The following SLC5A7 variants were observed in gnomAD, a reference collection of about 807,000 sequenced individuals.
The protein encoded by SLC5A7 is high affinity choline transporter 1.
A neutral mutation model predicts 55.4 loss-of-function variants in SLC5A7; 19 were observed. The ratio of observed to expected loss-of-function variants is 0.34; its 90% CI spans 0.24 to 0.50. The LOEUF (loss-of-function observed/expected upper bound fraction) is 0.50. SLC5A7 is among the 20% of genes least tolerant of loss of function. The pLI is 0.98. For synonymous variants in SLC5A7, 265 were observed against 263.7 expected (o/e 1.00, Z -0.05); for missense variants, 506 against 705.3 (o/e 0.72, Z 3.20).
intron 2 of SLC5A7, among the ~76,000 whole-genome samples, chr2:107,989,108 T>G (rs554272843): frequency 9.8e-5 from 15 of 152,364 alleles, no homozygotes; most frequent in African/African-American, 3.6e-4. Flanking sequence ...CTTTTTTATA[T>G]TCTTCTTGGT....
intron 4 of SLC5A7, among the ~76,000 whole-genome samples, chr2:107,995,462 A>T (rs1314684339): frequency 3.1e-4 from 39 of 127,790 alleles, no homozygotes; most frequent in African/African-American, 1.0e-3. Flanking sequence ...AGAGAGAGAG[A>T]GAGAGAGAGT....
At chr2:108,004,490 C>G (rs1212262702) in intron 6 of SLC5A7, among the ~76,000 whole-genome samples, 1 of 152,130 alleles carries the variant, frequency 6.6e-6, no homozygotes, top group Non-Finnish European at 1.5e-5. Context: ...GTCCCCAGAA[C>G]CCAGAGCCCA....
chr2:108,001,845 T>C, intron 5 of SLC5A7, 52 bp from the exon 6 acceptor site: 1 of 1,600,968 alleles, frequency 6.2e-7, no homozygotes, highest in Non-Finnish European at 8.5e-7. Context: ...CTTGCATATA[T>C]CAGACAGTTG....
At position 108,008,693 on chromosome 2, in the gene SLC5A7, T is replaced by A; in HGVS notation, c.1113+11T>A. 6.2e-7 allele frequency: 1 copy of A among 1,608,944 alleles called. No individual in the cohort carries two copies. Among genetic ancestry groups the A allele is most frequent in the Non-Finnish European group, 8.5e-7 (1 of 1,177,070 alleles). The stretch of plus-strand genomic sequence containing the variant: ...TCCTTCAGACAAAATGTAAGAACAG[T>A]TTCTTTCAACCTGACATTTACTAGC... On this transcript the variant is annotated intron_variant, in intron 8 of 8. Coordinates refer to ENST00000264047, the MANE Select transcript of SLC5A7 (RefSeq NM_021815.5).
At position 108,010,530 on chromosome 2, in the gene SLC5A7, G is replaced by A. The variant is rs768759762; in HGVS notation, c.1412G>A (p.Gly471Asp). The A allele has an allele frequency of 1.2e-6, 2 of 1,613,724 alleles. No homozygotes were observed. The highest frequency in any genetic ancestry group is 1.7e-5 in the Admixed American group (1 of 59,956). Residue 471 changes from glycine to aspartate, a missense_variant, in exon 9 of 9, where the codon GGT (glycine) becomes GAT (aspartate). By Grantham distance (94) the Gly-to-Asp change is moderately conservative. Around this residue, in one of 4 missense-constraint regions of SLC5A7, gnomAD observed 137 missense variants for 143.6 expected, o/e 0.95. Coordinates refer to ENST00000264047, the MANE Select transcript of SLC5A7 (RefSeq NM_021815.5). ...FYPGYYPDDN[G>D]IYNQKFPFKT... ...CCTGGCTATTACCCTGATGATAATG[G>A]TATATATAATCAGAAATTTCCATTT...
At position 108,008,607 on chromosome 2, in the gene SLC5A7, AT is replaced by A; in HGVS notation, c.1039del (p.Ser347GlnfsTer52). The A allele has an allele frequency of 6.2e-7, 1 of 1,613,476 alleles. No individual in the cohort carries two copies. Among genetic ancestry groups the A allele is most frequent in the Non-Finnish European group, 8.5e-7 (1 of 1,179,812 alleles). ...GTGCAGTTTCTGCTGCTGTTATGTCATCAGCAGATTCTTCCATCTTGTCAGC... is the reference window on the plus strand; with the variant it reads ...GTGCAGTTTCTGCTGCTGTTATGTCACAGCAGATTCTTCCATCTTGTCAGC... ...LGAVSAAVMS[S>X]ADSSILSASS... is the part of the protein sequence containing the mutation. On this transcript the variant is annotated frameshift_variant, in exon 8 of 9. Transcript: ENST00000264047. LOFTEE classifies it high-confidence loss of function.
Position 108,008,702 on chromosome 2 carries a change from A to G in SLC5A7, c.1113+20A>G, listed in dbSNP as rs759730049. 1 of 1,600,378 alleles carries G rather than the reference A, an allele frequency of 6.2e-7. No individual in the cohort carries two copies. Among genetic ancestry groups the G allele is most frequent in the South Asian group, 1.1e-5 (1 of 90,264 alleles). On this transcript the variant is annotated intron_variant, in intron 8 of 8. Transcript: ENST00000264047. ...CAAAATGTAAGAACAGTTTCTTTCA[A>G]CCTGACATTTACTAGCATTGCTCTT...
chr2:107,987,679 C>A (rs765150352), intron 1 of SLC5A7, among the ~76,000 whole-genome samples: 8 of 152,092 alleles, frequency 5.3e-5, no homozygotes, highest in Non-Finnish European at 8.8e-5. Flanking sequence ...TCAGAATGGT[C>A]ATTTATGAAA....
chr2:107,987,287 G>A (rs1677285336), intron 1 of SLC5A7, among the ~76,000 whole-genome samples: 1 of 152,180 alleles, frequency 6.6e-6, no homozygotes, highest in African/African-American at 2.4e-5. Context: ...CTTGACATCT[G>A]TCTTCTAAGA....
Position 107,988,349 on chromosome 2 carries a change from G to C in SLC5A7, c.178+16G>C, listed in dbSNP as rs756377938. 53 of 1,598,962 alleles carry C rather than the reference G, an allele frequency of 3.3e-5. 1 individual carries two copies. The South Asian group carries it at 5.5e-4, about 17-fold the overall frequency. ...ACCATGACAGGTACGTTCAGACGCC[G>C]CCGGCTCCATGCAGTCCTCCCTTCC... On this transcript the variant is annotated intron_variant, in intron 2 of 8. Transcript: ENST00000264047.
At chr2:107,987,615 T>C (rs958268102) in intron 1 of SLC5A7, among the ~76,000 whole-genome samples, 3 of 152,236 alleles carry the variant, frequency 2.0e-5, no homozygotes, top group Admixed American at 6.5e-5. Context: ...TTCTCTGAAG[T>C]TGTTTGAAAG....
At chr2:108,001,816 G>A (rs1677918116) in intron 5 of SLC5A7, 81 bp from the exon 6 acceptor site, 2 of 1,473,632 alleles carry the variant, frequency 1.4e-6, no homozygotes, top group East Asian at 2.3e-5. Flanking sequence ...GAGCTGTGCA[G>A]TGTGTGAGGT....
At chr2:107,989,209 T>C (rs981312625) in intron 2 of SLC5A7, among the ~76,000 whole-genome samples, 6 of 152,238 alleles carry the variant, frequency 3.9e-5, no homozygotes, top group Non-Finnish European at 1.5e-5. Flanking sequence ...CATTATACAG[T>C]CTTAGTAGAG....
intron 6 of SLC5A7, among the ~76,000 whole-genome samples, chr2:108,002,439 T>G (rs1211150544): frequency 1.3e-5 from 2 of 151,908 alleles, no homozygotes; most frequent in Non-Finnish European, 2.9e-5. Flanking sequence ...AATTACAGAG[T>G]AAGTGAATTA....
At chr2:107,995,444 GGA>G (rs67365376) in intron 4 of SLC5A7, among the ~76,000 whole-genome samples, 5,973 of 139,544 alleles carry the variant, frequency 0.043, 118 homozygotes, top group Non-Finnish European at 0.058. Context: ...GAACTCTTTG[GGA>G]GAGAGAGAGA....
intron 5 of SLC5A7, among the ~76,000 whole-genome samples, chr2:108,001,209 ATGTGTG>A (rs141690168): frequency 6.7e-6 from 1 of 150,044 alleles, no homozygotes. Flanking sequence ...CTATTTATGT[ATGTGTG>A]TGTGTGTGTG....
intron 2 of SLC5A7, among the ~76,000 whole-genome samples, chr2:107,990,703 A>G (rs2104337639): frequency 6.6e-6 from 1 of 152,322 alleles, no homozygotes; most frequent in East Asian, 1.9e-4. Context: ...CAAAATTCCT[A>G]TGTAGGAAAA....
intron 1 of SLC5A7, among the ~76,000 whole-genome samples, chr2:107,987,798 CACG>C (rs1354790533): frequency 2.0e-5 from 3 of 152,120 alleles, no homozygotes; most frequent in Non-Finnish European, 2.9e-5. Context: ...TTAAGATATA[CACG>C]ACAAGGTTAA....
At chr2:107,997,468 A>G (rs1478765717) in intron 4 of SLC5A7, among the ~76,000 whole-genome samples, 1 of 152,202 alleles carries the variant, frequency 6.6e-6, no homozygotes, top group Non-Finnish European at 1.5e-5. Context: ...GCACATCCCT[A>G]TTGGTAAGCA....
Sources: gnomAD v4.1 joint callset for allele counts (sites outside exome capture counted in the v4.1 genomes callset) on GRCh38, gnomAD v4.1.1 for gene constraint, gnomAD v4.1.1 regional missense constraint, MANE v1.5 for transcripts, NCBI Gene and HGNC (gene_info 2026-07-23, HGNC 2026-07-21) for gene names.